KCNK2: variants seen among roughly 807,000 people sequenced by gnomAD.
KCNK2 encodes potassium two pore domain channel subfamily K member 2.
In KCNK2, 21 loss-of-function variants were observed where a neutral mutation model predicts 40.5. The observed-to-expected ratio is 0.52, with a 90% CI of 0.37 to 0.75. The LOEUF is 0.75. Ranked by LOEUF, KCNK2 falls within the 30% of genes least tolerant of loss-of-function variation. KCNK2 has a pLI of 0.00. For missense variants in KCNK2, 399 were observed against 531.6 expected (o/e 0.75, Z 2.45); for synonymous variants, 191 against 202.2 (o/e 0.94, Z 0.47).
chr1:215,205,503 A>G (rs1177165319), intron 6 of KCNK2, among the ~76,000 whole-genome samples: 1 of 152,142 alleles, frequency 6.6e-6, no homozygotes. Context: ...TCGGCCTCCC[A>G]AAGTGCTGGG....
intron 2 of KCNK2, among the ~76,000 whole-genome samples, chr1:215,095,902 AG>A (rs1391166424): frequency 6.6e-6 from 1 of 152,072 alleles, no homozygotes; most frequent in East Asian, 1.9e-4. Context: ...AGGACACAAA[AG>A]GGCAAATAAA....
At chr1:215,171,816 A>G (rs1663720843) in intron 4 of KCNK2, among the ~76,000 whole-genome samples, 181 bp from the exon 5 acceptor site, 1 of 152,128 alleles carries the variant, frequency 6.6e-6, no homozygotes, top group Non-Finnish European at 1.5e-5. Context: ...ATTAAAAACT[A>G]AGTGTAAAAG....
At chr1:215,040,203 C>T (rs2102491953) in intron 1 of KCNK2, among the ~76,000 whole-genome samples, 1 of 152,226 alleles carries the variant, frequency 6.6e-6, no homozygotes, top group African/African-American at 2.4e-5. Flanking sequence ...TTATTTAACC[C>T]ATCTCTGCTT....
At chr1:215,058,118 T>C (rs948852410) in intron 1 of KCNK2, among the ~76,000 whole-genome samples, 3 of 152,170 alleles carry the variant, frequency 2.0e-5, no homozygotes, top group Non-Finnish European at 4.4e-5. Context: ...TGAATGCTAG[T>C]GGACCTAATT....
intron 2 of KCNK2, among the ~76,000 whole-genome samples, chr1:215,115,765 T>C (rs1049330392): frequency 2.4e-4 from 36 of 148,780 alleles, no homozygotes; most frequent in African/African-American, 8.0e-4. Context: ...CTTCCACTCA[T>C]GCTGAGATGG....
intron 1 of KCNK2, among the ~76,000 whole-genome samples, chr1:215,031,040 G>C (rs1657172000): frequency 6.6e-6 from 1 of 152,088 alleles, no homozygotes; most frequent in African/African-American, 2.4e-5. Context: ...CATCGTCGAA[G>C]AACTGTTGAC....
chr1:215,080,232 C>G (rs1659099188), upstream of KCNK2, among the ~76,000 whole-genome samples: 1 of 152,142 alleles, frequency 6.6e-6, no homozygotes, highest in Non-Finnish European at 1.5e-5. Context: ...ATTAATCTCC[C>G]AGTCTAGTAA....
At chr1:215,091,267 A>G (rs1276505608) in intron 2 of KCNK2, among the ~76,000 whole-genome samples, 1 of 152,076 alleles carries the variant, frequency 6.6e-6, no homozygotes, top group Non-Finnish European at 1.5e-5. Flanking sequence ...CCAGTAACTG[A>G]ATATCTGGGT....
chr1:215,139,239 G>T (rs1662059988), intron 3 of KCNK2, among the ~76,000 whole-genome samples: 1 of 152,132 alleles, frequency 6.6e-6, no homozygotes, highest in Non-Finnish European at 1.5e-5. Flanking sequence ...AATCATTTAT[G>T]TATGGATATG....
At chr1:215,108,945 G>A (rs1054753831) in intron 2 of KCNK2, among the ~76,000 whole-genome samples, 3 of 126,578 alleles carry the variant, frequency 2.4e-5, no homozygotes, top group African/African-American at 1.1e-4. Flanking sequence ...GGAAAAAAAC[G>A]AAAATAGTTT....
intron 6 of KCNK2, among the ~76,000 whole-genome samples, chr1:215,230,943 T>A (rs1666635607): frequency 6.6e-6 from 1 of 152,320 alleles, no homozygotes; most frequent in African/African-American, 2.4e-5. Context: ...GTATTAATAA[T>A]TTATGGACTC....
At chr1:215,019,134 G>A (rs184032303) in intron 1 of KCNK2, among the ~76,000 whole-genome samples, 32 of 152,302 alleles carry the variant, frequency 2.1e-4, no homozygotes, top group African/African-American at 7.5e-4. Context: ...TCCAACAGAA[G>A]GTAGATTCTA....
intron 1 of KCNK2, among the ~76,000 whole-genome samples, chr1:215,009,331 A>G (rs755011813): frequency 1.3e-5 from 2 of 152,164 alleles, no homozygotes; most frequent in East Asian, 1.9e-4. Context: ...ATGACAATCT[A>G]GCTGTTAGAT....
intron 1 of KCNK2, among the ~76,000 whole-genome samples, chr1:215,066,213 A>G (rs1018332275): frequency 1.3e-5 from 2 of 152,298 alleles, no homozygotes; most frequent in Middle Eastern, 3.4e-3. Context: ...GTGTATACCT[A>G]TGTAACAAAC....
At chr1:215,187,019 G>C (rs1364735721) in intron 5 of KCNK2, among the ~76,000 whole-genome samples, 2 of 151,744 alleles carry the variant, frequency 1.3e-5, no homozygotes, top group Non-Finnish European at 2.9e-5. Context: ...GCCTAGGCTG[G>C]AGTGCAGTGG....
chr1:215,101,314 T>C (rs1660204761), intron 2 of KCNK2, among the ~76,000 whole-genome samples: 1 of 151,974 alleles, frequency 6.6e-6, no homozygotes, highest in Non-Finnish European at 1.5e-5. Context: ...GGAGGTGGGC[T>C]TCTTTAGATG....
chr1:215,222,823 A>G (rs1026861423), intron 6 of KCNK2, among the ~76,000 whole-genome samples: 1 of 152,068 alleles, frequency 6.6e-6, no homozygotes, highest in African/African-American at 2.4e-5. Flanking sequence ...ATGAAATGTC[A>G]ATACTTTAGA....
intron 6 of KCNK2, among the ~76,000 whole-genome samples, chr1:215,203,910 C>T (rs950043438): frequency 9.2e-5 from 14 of 151,666 alleles, no homozygotes; most frequent in Middle Eastern, 3.4e-3. Context: ...CGGTGGCGGG[C>T]GCCTGTAGTC....
At chr1:215,234,768 C>T (rs1666809528) in intron 6 of KCNK2, 60 bp from the exon 7 acceptor site, 1 of 1,427,718 alleles carries the variant, frequency 7.0e-7, no homozygotes, top group Non-Finnish European at 9.6e-7. Flanking sequence ...GAAGATAAAG[C>T]ATAGAAAATG....
Sources: gnomAD v4.1 joint callset for allele counts (sites outside exome capture counted in the v4.1 genomes callset) on GRCh38, gnomAD v4.1.1 for gene constraint, MANE v1.5 for transcripts, NCBI Gene and HGNC (gene_info 2026-07-23, HGNC 2026-07-21) for gene names.